The following CA13 variants were observed in gnomAD, a reference collection of about 807,000 sequenced individuals.
CA13 encodes the protein CA-XIII.
Under a neutral mutation model 31.5 loss-of-function variants are expected in CA13, and 21 were observed. The ratio of observed to expected loss-of-function variants is 0.67; its 90% CI spans 0.47 to 0.96. CA13 has a LOEUF of 0.96. CA13 is among the 40% of genes least tolerant of loss of function. The pLI, the probability that CA13 is intolerant of heterozygous loss-of-function variation, is 0.00. For synonymous variants in CA13, 117 were observed against 111.4 expected (o/e 1.05, Z -0.32); for missense variants, 315 against 318.9 (o/e 0.99, Z 0.09).
chr8:85,252,437 T>C (rs1807207553), intron 2 of CA13, among the ~76,000 whole-genome samples: 1 of 152,212 alleles, frequency 6.6e-6, no homozygotes. Context: ...TTAGTACTTT[T>C]TTCTAGAACA....
At chr8:85,253,727 G>A (rs905064808) in intron 2 of CA13, among the ~76,000 whole-genome samples, 1 of 152,244 alleles carries the variant, frequency 6.6e-6, no homozygotes, top group African/African-American at 2.4e-5. Flanking sequence ...AATAAAAGTG[G>A]TTAAGCCAGG....
chr8:85,264,881 T>TC (rs971153430), intron 3 of CA13, among the ~76,000 whole-genome samples: 2 of 152,138 alleles, frequency 1.3e-5, no homozygotes, highest in African/African-American at 4.8e-5. Context: ...GTTTCTTTCC[T>TC]CCCCCAACTA....
Position 85,268,848 on chromosome 8 carries a change from C to G in CA13, c.669+221C>G, listed in dbSNP as rs1443984337. Among the ~76,000 whole-genome samples the G allele has an allele frequency of 2.6e-5, 4 of 152,246 alleles. No individual in the cohort carries two copies. The South Asian group carries it at 8.3e-4, about 32-fold the overall frequency. The stretch of plus-strand genomic sequence containing the variant: ...CTTCTTAGAAATGTACATAGCGACA[C>G]TGATGAAAGTAAAGCATCATTTTGA... On this transcript the variant is annotated intron_variant, in intron 6 of 6. Coordinates refer to ENST00000321764, the MANE Select transcript of CA13 (RefSeq NM_198584.3).
At position 85,245,820 on chromosome 8, in the gene CA13, C is replaced by T. The variant is rs376366264; in HGVS notation, c.-9C>T. On this transcript the variant is annotated 5_prime_UTR_variant, in exon 1 of 7. Coordinates refer to ENST00000321764, the MANE Select transcript of CA13 (RefSeq NM_198584.3). ...TCACATCTTTCTCTTCCTTCCACCCCGAGGGACCATGTCGAGGCTCAGCTG... is the reference window on the plus strand; with the variant it reads ...TCACATCTTTCTCTTCCTTCCACCCTGAGGGACCATGTCGAGGCTCAGCTG... The T allele has an allele frequency of 1.7e-5, 28 of 1,613,982 alleles. No individual in the cohort carries two copies. In the African/African-American group the frequency reaches 2.8e-4, roughly 16 times the overall value.
intron 6 of CA13, among the ~76,000 whole-genome samples, chr8:85,278,433 G>C (rs1395392851): frequency 6.6e-6 from 1 of 152,118 alleles, no homozygotes; most frequent in East Asian, 1.9e-4. Flanking sequence ...AGTGAGACAT[G>C]CGTGTGGACA....
intron 3 of CA13, among the ~76,000 whole-genome samples, chr8:85,261,651 C>A (rs1166177394): frequency 1.3e-5 from 2 of 152,038 alleles, no homozygotes; most frequent in African/African-American, 4.8e-5. Context: ...GTCTCGAACT[C>A]CCAACCTCAG....
intron 1 of CA13, chr8:85,246,360 T>C (rs1157946918): frequency 8.8e-6 from 4 of 456,146 alleles, no homozygotes; most frequent in Non-Finnish European, 1.8e-5. Flanking sequence ...TTAAGTTGGC[T>C]TCGTGGCAAA....
At position 85,281,314 on chromosome 8, in the gene CA13, C is replaced by T; in HGVS notation, c.754C>T (p.Leu252=). ...GAGCAATCACCGCCCACCACAGCCT[C>T]TAAAGGGCCGCAAAGTGAGAGCCTC... ...LVSNHRPPQP[L]KGRKVRASFH Residue 252 remains leucine (L), a synonymous_variant, in exon 7 of 7, where the codon CTA becomes TTA. Coordinates refer to ENST00000321764, the MANE Select transcript of CA13 (RefSeq NM_198584.3). 1 of 1,614,020 alleles carries T rather than the reference C, an allele frequency of 6.2e-7. No individual in the cohort carries two copies. The highest frequency in any genetic ancestry group is 1.3e-5 in the African/African-American group (1 of 75,034).
intron 5 of CA13, 43 bp downstream of exon 5, chr8:85,268,007 C>A: frequency 8.3e-7 from 1 of 1,198,552 alleles, no homozygotes. Context: ...TTCTTGTTCT[C>A]TCCCACATTC....
chr8:85,259,878 A>G (rs1417786059), intron 3 of CA13, among the ~76,000 whole-genome samples: 2 of 152,174 alleles, frequency 1.3e-5, no homozygotes, highest in African/African-American at 2.4e-5. Context: ...AATTGTTTCT[A>G]TCTACTGAAA....
intron 5 of CA13, 53 bp downstream of exon 5, chr8:85,268,017 C>A: frequency 8.8e-7 from 1 of 1,138,948 alleles, no homozygotes; most frequent in Non-Finnish European, 1.3e-6. Context: ...CTCCCACATT[C>A]TCTTATCTTC....
chr8:85,246,732 C>G (rs767474114), intron 1 of CA13, among the ~76,000 whole-genome samples: 2 of 152,066 alleles, frequency 1.3e-5, no homozygotes, highest in African/African-American at 4.8e-5. Context: ...CACCAAAAAG[C>G]CTTATAGTGA....
Position 85,245,866 on chromosome 8 carries a change from G to T in CA13, c.37+1G>T, listed in dbSNP as rs1277028525. 1.4e-5 allele frequency: 23 copies of T among 1,614,040 alleles called. No homozygotes were observed. Among genetic ancestry groups the T allele is most frequent in the Non-Finnish European group, 1.9e-5 (22 of 1,180,034 alleles). On this transcript the variant is annotated splice_donor_variant, in intron 1 of 6. Transcript: ENST00000321764. LOFTEE classifies it high-confidence loss of function. ...AGCTGGGGATACCGCGAGCACAACG[G>T]TGAGCGCCTTTTCCTGATCCAAGGG...
chr8:85,260,494 G>A lies in CA13; in HGVS notation c.354+955G>A, dbSNP rs552931347. Among the ~76,000 whole-genome samples the A allele has an allele frequency of 1.8e-4, 28 of 152,254 alleles. No individual in the cohort carries two copies. The East Asian group carries it at 4.3e-3, about 23-fold the overall frequency. ...ATAGCCCTGCTGTTCAGAGAAATCC[G>A]ACAATCAGAACTTTTTTCCAGTTTC... On this transcript the variant is annotated intron_variant, in intron 3 of 6. Transcript: ENST00000321764.
At position 85,281,498 on chromosome 8, in the gene CA13, A is replaced by C; in HGVS notation, c.*149A>C. On this transcript the variant is annotated 3_prime_UTR_variant, in exon 7 of 7. Transcript: ENST00000321764. ...GAGCTTCAGTGTCACAAAGAAAACC[A>C]GATCTCTCTCTCTTTTTTTTTTATT... The C allele has an allele frequency of 7.2e-7, 1 of 1,390,124 alleles. No individual in the cohort carries two copies. The highest frequency in any genetic ancestry group is 1.7e-5 in the South Asian group (1 of 60,362). 86.1% of individuals were successfully genotyped at this position (1,390,124 alleles called of 1,614,324 possible).
chr8:85,251,593 AT>A (rs748291637), intron 2 of CA13, among the ~76,000 whole-genome samples: 1 of 150,022 alleles, frequency 6.7e-6, no homozygotes, highest in South Asian at 2.1e-4. Flanking sequence ...AGCCGTAATT[AT>A]TTTAGCATTA....
chr8:85,256,549 C>G (rs1392203693), intron 2 of CA13, among the ~76,000 whole-genome samples: 1 of 152,016 alleles, frequency 6.6e-6, no homozygotes, highest in Non-Finnish European at 1.5e-5. Context: ...AGATCTTACA[C>G]TATATATTCT....
At chr8:85,276,416 A>AC (rs1433676184) in intron 6 of CA13, among the ~76,000 whole-genome samples, 1 of 152,226 alleles carries the variant, frequency 6.6e-6, no homozygotes, top group Non-Finnish European at 1.5e-5. Flanking sequence ...GTGCGGGCGC[A>AC]TGGCGCTGGG....
At chr8:85,247,153 A>T (rs1026124250) in intron 1 of CA13, among the ~76,000 whole-genome samples, 6 of 152,162 alleles carry the variant, frequency 3.9e-5, no homozygotes, top group Non-Finnish European at 8.8e-5. Context: ...TTTCCAGTGA[A>T]TGTTTAGGGG....
Sources: allele counts gnomAD v4.1 joint callset (sites outside exome capture counted in the v4.1 genomes callset), GRCh38; gene constraint gnomAD v4.1.1; transcripts MANE v1.5; gene names NCBI Gene and HGNC (gene_info 2026-07-23, HGNC 2026-07-21).